Variants in TRIP10 observed in about 807,000 individuals in gnomAD.
TRIP10 encodes the protein thyroid hormone receptor interactor 10.
In TRIP10, 54 loss-of-function variants were observed where a neutral mutation model predicts 80.9. That is an observed-to-expected ratio of 0.67 (90% CI 0.54 to 0.84). The LOEUF (loss-of-function observed/expected upper bound fraction) is 0.84. Among genes scored for constraint, TRIP10 ranks in the 40% least tolerant of loss-of-function variants. The pLI is 0.00. For synonymous variants in TRIP10, 321 were observed against 307.2 expected, an observed-to-expected ratio of 1.04 and a Z score of -0.47; for missense variants, 773 against 815.3, an observed-to-expected ratio of 0.95 and a Z score of 0.63.
rs749868588 is a variant in TRIP10 at position 6,744,954 on chromosome 19, G to A, written c.944G>A (p.Arg315His). The A allele has an allele frequency of 9.9e-6, 16 of 1,613,816 alleles. No individual in the cohort carries two copies. Among genetic ancestry groups the A allele is most frequent in the East Asian group, 4.5e-5 (2 of 44,896 alleles). Residue 315 changes from arginine to histidine, a missense_variant, in exon 9 of 15, where the codon CGC becomes CAC. By Grantham distance (29) the Arg-to-His change is conservative (BLOSUM62 0). Coordinates refer to ENST00000313244, the MANE Select transcript of TRIP10 (RefSeq NM_001288962.2). This position sits in a 1 kb window ranked among gnomAD's most constrained non-coding sequence, Gnocchi z 4.9. ...DGRPELRGPG[R>H]SRTKRWPFGK... ...CGGCCTGAACTCCGAGGCCCGGGTC[G>A]CAGCCGCACCAAGCGCTGGCCTTTT... is the stretch of plus-strand genomic sequence containing the variant.
Position 6,746,219 on chromosome 19 carries a change from A to G in TRIP10, c.1152+23A>G, listed in dbSNP as rs1599565033. 1.3e-6 allele frequency: 2 copies of G among 1,509,882 alleles called. No homozygotes were observed. Among genetic ancestry groups the G allele is most frequent in the Non-Finnish European group, 1.8e-6 (2 of 1,122,816 alleles). 93.5% of individuals were successfully genotyped at this position (1,509,882 alleles called of 1,614,324 possible). On this transcript the variant is annotated intron_variant, in intron 10 of 14. Transcript: ENST00000313244. This position sits in a 1 kb window ranked among gnomAD's most constrained non-coding sequence, Gnocchi z 6.2. ...GGGGTAAGTGAGGCCTCGGGGCAGG[A>G]GGAGGTGGTGGCCCTAGCCTGCCCA...
chr19:6,749,772 G>T (rs548734888), intron 11 of TRIP10, among the ~76,000 whole-genome samples, 162 bp from the exon 12 acceptor site: 1 of 152,090 alleles, frequency 6.6e-6, no homozygotes, highest in African/African-American at 2.4e-5. Flanking sequence ...TATCACTTGA[G>T]CCCGGGAGGT....
chr19:6,750,967 G>T, intron 14 of TRIP10, 96 bp from the exon 15 acceptor site: 1 of 1,420,782 alleles, frequency 7.0e-7, no homozygotes, highest in Non-Finnish European at 9.2e-7. Flanking sequence ...CTGCACTCCA[G>T]CCTGGGCGAG....
Position 6,745,503 on chromosome 19 carries a change from G to C in TRIP10, c.984+509G>C, listed in dbSNP as rs762988504. Reference sequence around the variant, plus strand: ...CTGTGATCCCCGAGCTTAAACTTCTGATGCCCCTAACCCCTCTCATTTTCC... The same window carrying C: ...CTGTGATCCCCGAGCTTAAACTTCTCATGCCCCTAACCCCTCTCATTTTCC... On this transcript the variant is annotated intron_variant, in intron 9 of 14. Coordinates refer to ENST00000313244, the MANE Select transcript of TRIP10 (RefSeq NM_001288962.2). The surrounding 1 kb of genome is among the most constrained non-coding windows in gnomAD (Gnocchi z 7.2). 1 of 928,908 alleles carries C rather than the reference G, an allele frequency of 1.1e-6. No homozygotes were observed. The highest frequency in any genetic ancestry group is 1.3e-6 in the Non-Finnish European group (1 of 778,552). The allele number at this position is 928,908 out of a possible 1,614,324, so 57.5% of individuals were successfully genotyped here.
At position 6,751,243 on chromosome 19, in the gene TRIP10, C is replaced by T. The variant is rs934707195; in HGVS notation, c.*32C>T. ...CCAGAGACGGGAAGAGGGGGGCTGT[C>T]GGCTGCTGCTTCTGGGCCACGGGGA... is the stretch of plus-strand genomic sequence containing the variant. On this transcript the variant is annotated 3_prime_UTR_variant, in exon 15 of 15. Coordinates refer to ENST00000313244, the MANE Select transcript of TRIP10 (RefSeq NM_001288962.2). 1.4e-5 allele frequency: 23 copies of T among 1,613,182 alleles called. No homozygotes were observed. The highest frequency in any genetic ancestry group is 5.0e-5 in the Admixed American group (3 of 59,968).
rs1490401470 is a variant in TRIP10 at position 6,746,094 on chromosome 19, G to A, written c.1050G>A (p.Pro350=). 58 of 1,219,776 alleles carry A rather than the reference G, an allele frequency of 4.8e-5. No individual in the cohort carries two copies. Among genetic ancestry groups the A allele is most frequent in the East Asian group, 3.2e-4 (5 of 15,740 alleles). The allele number at this position is 1,219,776 out of a possible 1,614,324, so 75.6% of individuals were successfully genotyped here. The change falls in exon 10 of 15, where the codon CCG becomes CCA. Residue 350 remains proline (P), a synonymous_variant. Coordinates refer to ENST00000313244, the MANE Select transcript of TRIP10 (RefSeq NM_001288962.2). This position sits in a 1 kb window ranked among gnomAD's most constrained non-coding sequence, Gnocchi z 6.2. ...CCTCGGCATTGCCTAACGGACCCCCGTCCCCCCGCTCCGGCCGTGACCCCT... is the reference window on the plus strand; with the variant it reads ...CCTCGGCATTGCCTAACGGACCCCCATCCCCCCGCTCCGGCCGTGACCCCT... ...PVPSALPNGP[P]SPRSGRDPLA...
At chr19:6,750,725 G>A (rs2145556860) in intron 14 of TRIP10, 92 bp downstream of exon 14, 2 of 1,546,400 alleles carry the variant, frequency 1.3e-6, no homozygotes, top group South Asian at 1.2e-5. Context: ...GGCTGGGCGG[G>A]TGGCTCAGGC....
rs200362066 is a variant in TRIP10, at chr19:6,743,671, G to A, written c.514-37G>A. On this transcript the variant is annotated intron_variant, in intron 6 of 14. Transcript: ENST00000313244. ...TGGGGAGTCCGAGTGGGACGTGATCGGAACCTGGCAGTACCTTCCACCTCT... is the reference window on the plus strand; with the variant it reads ...TGGGGAGTCCGAGTGGGACGTGATCAGAACCTGGCAGTACCTTCCACCTCT... 25 of 1,612,348 alleles carry A rather than the reference G, an allele frequency of 1.6e-5. No individual in the cohort carries two copies. The African/African-American group carries it at 1.7e-4, about 11-fold the overall frequency.
Position 6,742,984 on chromosome 19 carries a change from C to T in TRIP10, c.215C>T (p.Ser72Phe), listed in dbSNP as rs1367931135. 6.2e-7 allele frequency: 1 copy of T among 1,614,106 alleles called. No individual in the cohort carries two copies. Among genetic ancestry groups the T allele is most frequent in the Non-Finnish European group, 8.5e-7 (1 of 1,180,026 alleles). Residue 72 changes from serine to phenylalanine, a missense_variant, in exon 4 of 15, where the codon TCC becomes TTC. Transcript: ENST00000313244. ...DPESKFSQQQ[S>F]FVQILQEVND... is the part of the protein sequence containing the mutation. ...AACCCCAGATTCAGCCAGCAACAGT[C>T]CTTCGTACAGATTCTCCAGGAGGTG...
intron 1 of TRIP10, chr19:6,740,780 C>T: frequency 1.8e-6 from 1 of 542,406 alleles, no homozygotes; most frequent in Non-Finnish European, 3.3e-6. Flanking sequence ...CATCTCCCGG[C>T]CGGGGTGGCT....
At chr19:6,742,815 G>A (rs1968961273) in intron 3 of TRIP10, 152 bp from the exon 4 acceptor site, 2 of 1,042,602 alleles carry the variant, frequency 1.9e-6, no homozygotes, top group African/African-American at 3.2e-5. Flanking sequence ...TCAAGGGTTG[G>A]GGTTAAGGAA....
intron 7 of TRIP10, 113 bp downstream of exon 7, chr19:6,743,949 G>A (rs1428824619): frequency 7.2e-6 from 10 of 1,395,182 alleles, no homozygotes; most frequent in Non-Finnish European, 9.8e-6. Context: ...GATTGAAAGG[G>A]AATCAGAAAC....
chr19:6,746,636 T>A lies in TRIP10; in HGVS notation c.1262+75T>A. ...AAATGAACTTCACTTATTTGTTTAT[T>A]ATTTTATTTTATTTATTTTATTATA... On this transcript the variant is annotated intron_variant, in intron 11 of 14. Transcript: ENST00000313244. This position sits in a 1 kb window ranked among gnomAD's most constrained non-coding sequence, Gnocchi z 6.2. The A allele has an allele frequency of 2.0e-6, 2 of 998,384 alleles. No homozygotes were observed. The highest frequency in any genetic ancestry group is 2.8e-6 in the Non-Finnish European group (2 of 723,340). 61.8% of individuals were successfully genotyped at this position (998,384 alleles called of 1,614,324 possible). A position where few individuals can be genotyped will look rare whatever the true frequency, so the allele number is the denominator to read the frequency against.
In TRIP10 at chr19:6,745,034, A is replaced by G; in HGVS notation, c.984+40A>G. 6.3e-7 allele frequency: 1 copy of G among 1,597,258 alleles called. No homozygotes were observed. The highest frequency in any genetic ancestry group is 8.5e-7 in the Non-Finnish European group (1 of 1,172,208). On this transcript the variant is annotated intron_variant, in intron 9 of 14. Transcript: ENST00000313244. The surrounding 1 kb of genome is among the most constrained non-coding windows in gnomAD (Gnocchi z 7.2). Reference sequence around the variant, plus strand: ...CCTTGGGATGGTGGGGGAGAAGGACAGTGAAGTGGGGACAGTGGGGCCCCT... The same window carrying G: ...CCTTGGGATGGTGGGGGAGAAGGACGGTGAAGTGGGGACAGTGGGGCCCCT...
rs751657396 is a variant in TRIP10, at chr19:6,750,053, T to C, written c.1382T>C (p.Val461Ala). ...AACATTGAACGGCTGAAATTGGAAG[T>C]GCAGAAGTATGAGGTCAGGAAAGAC... ...LSNIERLKLE[V>A]QKYEAWLAEA... The change falls in exon 12 of 15, where the codon GTG (valine) becomes GCG (alanine). Residue 461 changes from valine to alanine, a missense_variant. Val to Ala is a moderately conservative substitution (Grantham distance 64). Transcript: ENST00000313244. 2 of 1,594,406 alleles carry C rather than the reference T, an allele frequency of 1.3e-6. No individual in the cohort carries two copies. The highest frequency in any genetic ancestry group is 1.7e-6 in the Non-Finnish European group (2 of 1,175,964).
At position 6,745,559 on chromosome 19, in the gene TRIP10, T is replaced by C. The variant is rs1969092213; in HGVS notation, c.985-470T>C. ...TCCACTCCCTCTCGGCTTGTGGTTTTATTTTTGTTTATTTATTTTTGTCCT... is the reference window on the plus strand; with the variant it reads ...TCCACTCCCTCTCGGCTTGTGGTTTCATTTTTGTTTATTTATTTTTGTCCT... On this transcript the variant is annotated intron_variant, in intron 9 of 14. Coordinates refer to ENST00000313244, the MANE Select transcript of TRIP10 (RefSeq NM_001288962.2). The surrounding 1 kb of genome is among the most constrained non-coding windows in gnomAD (Gnocchi z 7.2). The C allele has an allele frequency of 3.0e-6, 3 of 985,166 alleles. No individual in the cohort carries two copies. The highest frequency in any genetic ancestry group is 3.6e-6 in the Non-Finnish European group (3 of 829,906). The allele number at this position is 985,166 out of a possible 1,614,324, so 61.0% of individuals were successfully genotyped here.
rs566688545 is a variant in TRIP10, at chr19:6,741,172, G to A, written c.140+47G>A. ...TACGGAGGACGCGCCTGGGGCGACG[G>A]GGAGCGGTGGGAGGGCTGCGGGCTC... On this transcript the variant is annotated intron_variant, in intron 2 of 14. Transcript: ENST00000313244. 28 of 1,613,622 alleles carry A rather than the reference G, an allele frequency of 1.7e-5. No individual in the cohort carries two copies. The African/African-American group carries it at 2.5e-4, about 15-fold the overall frequency.
Position 6,751,386 on chromosome 19 carries a change from G to T in TRIP10, c.*175G>T. On this transcript the variant is annotated 3_prime_UTR_variant, in exon 15 of 15. Transcript: ENST00000313244. ...CTGTCACACCGGACGGACCCGCTGT[G>T]CCTTCTACCATCGTTCCACCATTGA... The T allele has an allele frequency of 7.3e-7, 1 of 1,361,364 alleles. No individual in the cohort carries two copies. Among genetic ancestry groups the T allele is most frequent in the Non-Finnish European group, 9.6e-7 (1 of 1,046,364 alleles). The allele number at this position is 1,361,364 out of a possible 1,614,324, so 84.3% of individuals were successfully genotyped here. A position where few individuals can be genotyped will look rare whatever the true frequency, so the allele number is the denominator to read the frequency against.
Position 6,750,542 on chromosome 19 carries a change from G to A in TRIP10, c.1566G>A (p.Gln522=). The stretch of plus-strand genomic sequence containing the variant: ...AAGAGCCTCCCTCAGAAGAGAGCCA[G>A]GACACCCCCATTTACACGGAGTTTG... The part of the protein sequence containing the change: ...SSEEPPSEES[Q]DTPIYTEFDE... The change falls in exon 14 of 15, where the codon CAG becomes CAA. Residue 522 remains glutamine (Q), a synonymous_variant. Transcript: ENST00000313244. 4 of 1,614,194 alleles carry A rather than the reference G, an allele frequency of 2.5e-6. No individual in the cohort carries two copies. The highest frequency in any genetic ancestry group is 3.4e-6 in the Non-Finnish European group (4 of 1,180,036).
Sources: allele counts gnomAD v4.1 joint callset (sites outside exome capture counted in the v4.1 genomes callset), GRCh38; gene constraint gnomAD v4.1.1; non-coding constraint Gnocchi (gnomAD v3.1); transcripts MANE v1.5; gene names NCBI Gene and HGNC (gene_info 2026-07-23, HGNC 2026-07-21).